Variants in ASAP3 observed in about 807,000 individuals in gnomAD.
ASAP3 encodes the protein arf-GAP with SH3 domain, ANK repeat and PH domain-containing protein 3.
In ASAP3, 85 loss-of-function variants were observed where a neutral mutation model predicts 118.2. The observed-to-expected ratio is 0.72, with a 90% CI of 0.60 to 0.86. The LOEUF is 0.86. Among genes scored for constraint, ASAP3 ranks in the 40% least tolerant of loss-of-function variants. The pLI, the probability that ASAP3 is intolerant of heterozygous loss-of-function variation, is 0.00. For synonymous variants in ASAP3, 432 were observed against 477.4 expected (o/e 0.90, Z 1.24); for missense variants, 1,026 against 1,175.0 (o/e 0.87, Z 1.85).
chr1:23,437,581 C>T lies in ASAP3; in HGVS notation c.1103-109G>A, dbSNP rs1336058434. On this transcript the variant is annotated intron_variant, in intron 12 of 24. Transcript: ENST00000336689. The surrounding 1 kb of genome is among the most constrained non-coding windows in gnomAD (Gnocchi z 6.1). Reference sequence around the variant, plus strand: ...GGGCCACATGGAGATGTGTCCCTGACAAGTCGGACTCTCAAGCTAGGAGTG... The same window carrying T: ...GGGCCACATGGAGATGTGTCCCTGATAAGTCGGACTCTCAAGCTAGGAGTG... 6 of 1,351,250 alleles carry T rather than the reference C, an allele frequency of 4.4e-6. No homozygotes were observed. The highest frequency in any genetic ancestry group is 2.0e-4 in the Middle Eastern group (1 of 4,924). The allele number at this position is 1,351,250 out of a possible 1,614,324, so 83.7% of individuals were successfully genotyped here. A position where few individuals can be genotyped will look rare whatever the true frequency, so the allele number is the denominator to read the frequency against.
chr1:23,481,125 C>G (rs936724565), intron 1 of ASAP3, among the ~76,000 whole-genome samples: 1 of 152,184 alleles, frequency 6.6e-6, no homozygotes, highest in Non-Finnish European at 1.5e-5. Flanking sequence ...CTTGGCCTCT[C>G]TGGACATCAG....
chr1:23,432,996 A>C (rs934213796), intron 22 of ASAP3, 81 bp downstream of exon 22: 196 of 1,511,900 alleles, frequency 1.3e-4, no homozygotes, highest in Admixed American at 2.3e-4. Context: ...GGACTAACAT[A>C]TGCACTCAGC....
intron 1 of ASAP3, among the ~76,000 whole-genome samples, chr1:23,481,306 GA>G (rs1642299177): frequency 6.6e-6 from 1 of 152,198 alleles, no homozygotes; most frequent in South Asian, 2.1e-4. Flanking sequence ...AAACCAGTCA[GA>G]ACTGGAAGAC....
chr1:23,467,202 T>C (rs1260978748), intron 1 of ASAP3, among the ~76,000 whole-genome samples: 1 of 150,608 alleles, frequency 6.6e-6, no homozygotes, highest in Non-Finnish European at 1.5e-5. Flanking sequence ...ATTATTATTA[T>C]TACTATTTTT....
In ASAP3 at chr1:23,436,876, C is replaced by G. The variant is rs1388312875; in HGVS notation, c.1476+35G>C. On this transcript the variant is annotated intron_variant, in intron 15 of 24. Transcript: ENST00000336689. The surrounding 1 kb of genome is among the most constrained non-coding windows in gnomAD (Gnocchi z 4.2). ...GGATGAAACTACACCCCTAACTCCG[C>G]TTCTGGCCCCTTCCAGGCCCCGCCC... is the stretch of plus-strand genomic sequence containing the variant. The G allele has an allele frequency of 6.2e-7, 1 of 1,602,558 alleles. No homozygotes were observed. Among genetic ancestry groups the G allele is most frequent in the South Asian group, 1.1e-5 (1 of 90,410 alleles).
chr1:23,465,379 T>G (rs1045679587), intron 1 of ASAP3, among the ~76,000 whole-genome samples: 5 of 152,230 alleles, frequency 3.3e-5, no homozygotes, highest in Admixed American at 6.5e-5. Context: ...GTCACTATCC[T>G]GGCCACTCTT....
At chr1:23,465,252 C>G (rs968262493) in intron 1 of ASAP3, among the ~76,000 whole-genome samples, 3 of 152,238 alleles carry the variant, frequency 2.0e-5, no homozygotes, top group Non-Finnish European at 2.9e-5. Context: ...TGTTGATCCT[C>G]GTCAGCAAGC....
intron 1 of ASAP3, among the ~76,000 whole-genome samples, chr1:23,471,319 C>T (rs970714990): frequency 6.6e-6 from 1 of 152,180 alleles, no homozygotes; most frequent in African/African-American, 2.4e-5. Flanking sequence ...CAGAACTGAT[C>T]CTGCCTACCT....
chr1:23,433,170 G>A lies in ASAP3; in HGVS notation c.2230C>T (p.Pro744Ser). The change falls in exon 22 of 25, where the codon CCT (proline) becomes TCT (serine). Residue 744 changes from proline to serine, a missense_variant. Physicochemically the swap from Pro to Ser is moderately conservative, Grantham distance 74. Coordinates refer to ENST00000336689, the MANE Select transcript of ASAP3 (RefSeq NM_017707.4). ...ETVASLGAAT[P>S]QGESEDCPPP... ...GGACAGTCCTCACTCTCGCCCTGAG[G>A]GGTGGCTGCTCCCAGGCTGGCGACA... is the stretch of plus-strand genomic sequence containing the variant. The A allele has an allele frequency of 6.2e-7, 1 of 1,614,122 alleles. No homozygotes were observed. Among genetic ancestry groups the A allele is most frequent in the South Asian group, 1.1e-5 (1 of 91,072 alleles).
chr1:23,456,227 G>A (rs1264081731), intron 1 of ASAP3, 33 bp from the exon 2 acceptor site: 2 of 1,603,710 alleles, frequency 1.2e-6, no homozygotes, highest in South Asian at 2.2e-5. Flanking sequence ...GTTCAGGGAT[G>A]CCAAGCTGGA....
At chr1:23,432,574 G>A (rs941511788) in intron 22 of ASAP3, among the ~76,000 whole-genome samples, 43 of 152,188 alleles carry the variant, frequency 2.8e-4, no homozygotes, top group Non-Finnish European at 1.3e-4. Flanking sequence ...CCCACAACAA[G>A]TCTGTTCCTT....
At position 23,454,454 on chromosome 1, in the gene ASAP3, G is replaced by T. The variant is rs181263502; in HGVS notation, c.348+1427C>A. ...GCCCACCTTGGCCTCCCAAAGTGCT[G>T]GGATTACAGGCGTGAGCCACCGCAC... On this transcript the variant is annotated intron_variant, in intron 3 of 24. Coordinates refer to ENST00000336689, the MANE Select transcript of ASAP3 (RefSeq NM_017707.4). Among the ~76,000 whole-genome samples, 31 of 152,240 alleles carry T rather than the reference G, an allele frequency of 2.0e-4. 1 individual carries two copies. Among genetic ancestry groups the T allele is most frequent in the Middle Eastern group, 3.4e-3 (1 of 294 alleles).
chr1:23,466,537 C>T (rs913757844), intron 1 of ASAP3, among the ~76,000 whole-genome samples: 3 of 152,220 alleles, frequency 2.0e-5, no homozygotes, highest in African/African-American at 7.2e-5. Context: ...ACACACACAC[C>T]ATGCTCTGGC....
chr1:23,435,873 G>T lies in ASAP3; in HGVS notation c.1727C>A (p.Pro576Gln). ...CACCTGTGCATCAGGCCCTGGCAGC[G>T]GCTGTCCAAAGTCCTGCCCATTGGC... ...AFANGQDFGQ[P>Q]LPGPDAQAPE... The change falls in exon 17 of 25, where the codon CCG becomes CAG. Residue 576 changes from proline (P) to glutamine (Q), a missense_variant. Physicochemically the swap from Pro to Gln is moderately conservative, Grantham distance 76 (BLOSUM62 -1). Transcript: ENST00000336689. 6.2e-7 allele frequency: 1 copy of T among 1,614,258 alleles called. No homozygotes were observed. Among genetic ancestry groups the T allele is most frequent in the African/African-American group, 1.3e-5 (1 of 75,060 alleles).
intron 5 of ASAP3, among the ~76,000 whole-genome samples, chr1:23,443,187 G>T (rs147455342): frequency 1.3e-5 from 2 of 152,312 alleles, no homozygotes; most frequent in East Asian, 3.9e-4. Flanking sequence ...AAGAACACAG[G>T]TGCCTTCAAT....
In ASAP3 at chr1:23,441,043, C is replaced by T. The variant is rs114661433; in HGVS notation, c.944+59G>A. 14,120 of 1,503,900 alleles carry T rather than the reference C, an allele frequency of 9.4e-3. 85 individuals carry two copies. Among genetic ancestry groups the T allele is most frequent in the Non-Finnish European group, 0.012 (12,559 of 1,081,326 alleles). The allele number at this position is 1,503,900 out of a possible 1,614,324, so 93.2% of individuals were successfully genotyped here. On this transcript the variant is annotated intron_variant, in intron 10 of 24. Transcript: ENST00000336689. Reference sequence around the variant, plus strand: ...CAGTTCCTTTGGGCAGCTTCCCCAACCCTGTCATTTACTTGCAGTGTGACA... The same window carrying T: ...CAGTTCCTTTGGGCAGCTTCCCCAATCCTGTCATTTACTTGCAGTGTGACA...
chr1:23,457,244 C>G (rs1277954318), intron 1 of ASAP3, among the ~76,000 whole-genome samples: 1 of 152,040 alleles, frequency 6.6e-6, no homozygotes, highest in Admixed American at 6.6e-5. Flanking sequence ...ACAGCCCCAC[C>G]CTGACCCCAG....
chr1:23,433,296 TGAG>T (rs1558106171), intron 21 of ASAP3, 24 bp from the exon 22 acceptor site: 2 of 1,603,992 alleles, frequency 1.2e-6, no homozygotes, highest in Non-Finnish European at 1.7e-6. Context: ...AGATTGAGGA[TGAG>T]GACAGCCTGG....
chr1:23,462,358 A>G (rs542049420), intron 1 of ASAP3, among the ~76,000 whole-genome samples: 2 of 152,002 alleles, frequency 1.3e-5, no homozygotes, highest in Admixed American at 1.3e-4. Flanking sequence ...TCAGACATCT[A>G]TCAGGAAACA....
Sources: allele counts gnomAD v4.1 joint callset (sites outside exome capture counted in the v4.1 genomes callset), GRCh38; gene constraint gnomAD v4.1.1; non-coding constraint Gnocchi (gnomAD v3.1); transcripts MANE v1.5; gene names NCBI Gene and HGNC (gene_info 2026-07-23, HGNC 2026-07-21).